SYNE1: variants seen among roughly 807,000 people sequenced by gnomAD.
SYNE1 encodes spectrin repeat containing nuclear envelope protein 1.
A neutral mutation model predicts 1,111.0 loss-of-function variants in SYNE1; 616 were observed. The observed-to-expected ratio is 0.55, with a 90% CI of 0.52 to 0.59. SYNE1 has a LOEUF of 0.59. Ranked by LOEUF, SYNE1 falls within the 20% of genes least tolerant of loss-of-function variation. SYNE1 has a pLI of 0.00. For missense variants in SYNE1, 10,006 were observed against 10,417.0 expected (o/e 0.96, Z 1.72); for synonymous variants, 3,855 against 3,825.8 (o/e 1.01, Z -0.28).
At position 152,308,476 on chromosome 6, in the gene SYNE1, A is replaced by T. The variant is rs1195911348; in HGVS notation, c.17346+13T>A. 1 of 1,614,122 alleles carries T rather than the reference A, an allele frequency of 6.2e-7. No homozygotes were observed. Among genetic ancestry groups the T allele is most frequent in the Non-Finnish European group, 8.5e-7 (1 of 1,180,022 alleles). ...GTTTCCTGCCCTCGGTATTTCGCCT[A>T]CATTCCTCTCACCTCATGCCGAGAA... On this transcript the variant is annotated intron_variant, in intron 91 of 145. Transcript: ENST00000367255.
intron 141 of SYNE1, among the ~76,000 whole-genome samples, chr6:152,136,245 T>C (rs2152747496): frequency 6.6e-6 from 1 of 152,264 alleles, no homozygotes; most frequent in South Asian, 2.1e-4. Flanking sequence ...ACAGTATGAA[T>C]GGAAAAACAA....
chr6:152,220,924 T>G lies in SYNE1; in HGVS notation c.21779A>C (p.Asp7260Ala). 4.3e-6 allele frequency: 7 copies of G among 1,614,198 alleles called. No homozygotes were observed. Among genetic ancestry groups the G allele is most frequent in the Non-Finnish European group, 5.9e-6 (7 of 1,180,002 alleles). ...QCASTVQQQE[D>A]RTNELLKAAT... ...TGCCTTCAACAGCTCATTGGTTCGA[T>G]CCTCCTGCTGCTGAACTGTCGAAGC... Residue 7260 changes from aspartate to alanine, a missense_variant, in exon 119 of 146, where the codon GAT becomes GCT. Physicochemically the swap from Asp to Ala is moderately radical, Grantham distance 126. Transcript: ENST00000367255.
In SYNE1 at chr6:152,122,362, T is replaced by C. The variant is rs2051587313; in HGVS notation, c.*74A>G. On this transcript the variant is annotated 3_prime_UTR_variant, in exon 146 of 146. Coordinates refer to ENST00000367255, the MANE Select transcript of SYNE1 (RefSeq NM_182961.4). ...TTTCGCCAAGATCAAGGTCCTCTTG[T>C]TGGTAGTTTGGGATTGCTTATGACC... 4 of 1,610,984 alleles carry C rather than the reference T, an allele frequency of 2.5e-6. No homozygotes were observed. Among genetic ancestry groups the C allele is most frequent in the Admixed American group, 3.3e-5 (2 of 60,016 alleles).
At chr6:152,405,477 C>T (rs2097884013) in intron 45 of SYNE1, among the ~76,000 whole-genome samples, 1 of 152,124 alleles carries the variant, frequency 6.6e-6, no homozygotes, top group Non-Finnish European at 1.5e-5. Context: ...ATGTCAATAA[C>T]TCAAAGGCCT....
chr6:152,406,151 G>C (rs1243346452), intron 45 of SYNE1, among the ~76,000 whole-genome samples: 4 of 152,076 alleles, frequency 2.6e-5, no homozygotes, highest in Non-Finnish European at 5.9e-5. Flanking sequence ...GGAATAAAAA[G>C]GTTTAAAGTG....
At chr6:152,611,389 G>A (rs1018712248) in intron 3 of SYNE1, among the ~76,000 whole-genome samples, 2 of 151,946 alleles carry the variant, frequency 1.3e-5, no homozygotes, top group African/African-American at 4.8e-5. Flanking sequence ...AAAGATCAAA[G>A]GAGACAAAGA....
intron 124 of SYNE1, among the ~76,000 whole-genome samples, chr6:152,209,298 A>G (rs1413035513): frequency 6.6e-6 from 1 of 152,208 alleles, no homozygotes; most frequent in Admixed American, 6.5e-5. Flanking sequence ...TTGATTTTGT[A>G]ACCAAATATG....
At chr6:152,376,078 C>T (rs2097275585) in intron 58 of SYNE1, 3 of 328,228 alleles carry the variant, frequency 9.1e-6, no homozygotes, top group Non-Finnish European at 1.7e-5. Context: ...ACTGTTCTAC[C>T]TCAGATCATC....
intron 3 of SYNE1, among the ~76,000 whole-genome samples, chr6:152,543,837 T>C (rs1033571723): frequency 1.3e-5 from 2 of 152,206 alleles, no homozygotes; most frequent in African/African-American, 2.4e-5. Flanking sequence ...TTCAGTACAG[T>C]CACATGCTGT....
chr6:152,571,778 A>G (rs976907683), intron 3 of SYNE1, among the ~76,000 whole-genome samples: 1 of 152,212 alleles, frequency 6.6e-6, no homozygotes, highest in African/African-American at 2.4e-5. Context: ...AAAGATTAAC[A>G]TTTTAGTGTA....
At position 152,596,667 on chromosome 6, in the gene SYNE1, C is replaced by T. The variant is rs148051996; in HGVS notation, c.67+31598G>A. On this transcript the variant is annotated intron_variant, in intron 3 of 145. Coordinates refer to ENST00000367255, the MANE Select transcript of SYNE1 (RefSeq NM_182961.4). ...GCTAACTTTCAAGGTAAGTATTGTACGTAAGCAGAATGAAAGGAAAAGGTA... is the reference window on the plus strand; with the variant it reads ...GCTAACTTTCAAGGTAAGTATTGTATGTAAGCAGAATGAAAGGAAAAGGTA... Among the ~76,000 whole-genome samples the T allele has an allele frequency of 8.5e-5, 13 of 152,062 alleles. No homozygotes were observed. The East Asian group carries it at 9.6e-4, about 11-fold the overall frequency.
intron 51 of SYNE1, among the ~76,000 whole-genome samples, chr6:152,392,375 G>A (rs189796243): frequency 1.7e-3 from 263 of 152,262 alleles, no homozygotes; most frequent in Non-Finnish European, 2.3e-3. Flanking sequence ...AGATCAAGGG[G>A]AAAACGTAAG....
intron 44 of SYNE1, among the ~76,000 whole-genome samples, chr6:152,408,061 C>A (rs1291491519): frequency 6.6e-6 from 1 of 152,082 alleles, no homozygotes; most frequent in Non-Finnish European, 1.5e-5. Context: ...CCACGCCCAG[C>A]CAAAGAATGT....
At chr6:152,528,704 T>C (rs1471818013) in intron 4 of SYNE1, among the ~76,000 whole-genome samples, 1 of 152,216 alleles carries the variant, frequency 6.6e-6, no homozygotes, top group Non-Finnish European at 1.5e-5. Flanking sequence ...TCCATGCCAG[T>C]ATATGTTAGA....
chr6:152,586,360 T>C (rs1198696136), intron 3 of SYNE1, among the ~76,000 whole-genome samples: 1 of 152,198 alleles, frequency 6.6e-6, no homozygotes, highest in African/African-American at 2.4e-5. Context: ...TCCTCTTCTA[T>C]ATATTCCTCA....
chr6:152,155,887 T>C, intron 132 of SYNE1, 23 bp downstream of exon 132: 1 of 1,613,416 alleles, frequency 6.2e-7, no homozygotes, highest in Non-Finnish European at 8.5e-7. Context: ...CTCTTCCCTA[T>C]CTGTTTCAGC....
chr6:152,597,366 CT>C (rs1446126606), intron 3 of SYNE1, among the ~76,000 whole-genome samples: 1 of 152,210 alleles, frequency 6.6e-6, no homozygotes, highest in Non-Finnish European at 1.5e-5. Flanking sequence ...CAGCCTCGAC[CT>C]TGTGGGTTCA....
At chr6:152,278,526 G>A (rs1227049032) in intron 97 of SYNE1, among the ~76,000 whole-genome samples, 2 of 151,780 alleles carry the variant, frequency 1.3e-5, no homozygotes, top group Non-Finnish European at 2.9e-5. Flanking sequence ...TTAGTGGAGC[G>A]ATCTTGACTC....
intron 14 of SYNE1, among the ~76,000 whole-genome samples, chr6:152,476,145 A>G (rs1564316511): frequency 6.6e-6 from 1 of 152,112 alleles, no homozygotes; most frequent in Non-Finnish European, 1.5e-5. Context: ...CTAGATGCCA[A>G]TGACTCCGAA....
Sources: allele counts gnomAD v4.1 joint callset (sites outside exome capture counted in the v4.1 genomes callset), GRCh38; gene constraint gnomAD v4.1.1; transcripts MANE v1.5; gene names NCBI Gene and HGNC (gene_info 2026-07-23, HGNC 2026-07-21).